Variants in COL4A1 observed in about 807,000 individuals in gnomAD.
COL4A1 encodes the protein collagen type IV alpha 1 chain.
A neutral mutation model predicts 216.6 loss-of-function variants in COL4A1; 40 were observed. The ratio of observed to expected loss-of-function variants is 0.18; its 90% CI spans 0.14 to 0.24. COL4A1 has a LOEUF of 0.24. COL4A1 is among the 10% of genes least tolerant of loss of function. The probability of loss-of-function intolerance (pLI) is 1.00; values close to 1 mark genes in which losing one functional copy is unlikely to be tolerated. For missense variants in COL4A1, 1,628 were observed against 2,196.8 expected (o/e 0.74, Z 5.18); for synonymous variants, 839 against 810.7 (o/e 1.03, Z -0.59).
chr13:110,205,485 A>C lies in COL4A1; in HGVS notation c.903+9T>G. 1 of 1,613,758 alleles carries C rather than the reference A, an allele frequency of 6.2e-7. No homozygotes were observed. Among genetic ancestry groups the C allele is most frequent in the Non-Finnish European group, 8.5e-7 (1 of 1,179,984 alleles). On this transcript the variant is annotated intron_variant, in intron 16 of 51. Transcript: ENST00000375820. The stretch of plus-strand genomic sequence containing the variant: ...AGCCTGCTTGTAAAAACCACAGAGA[A>C]ACACTTACGGGACTCCCTTTTTCCC...
At chr13:110,280,202 T>C (rs1883577696) in intron 1 of COL4A1, among the ~76,000 whole-genome samples, 1 of 152,250 alleles carries the variant, frequency 6.6e-6, no homozygotes, top group African/African-American at 2.4e-5. Context: ...GGTGTTAACT[T>C]GTTCAATGAG....
Position 110,213,615 on chromosome 13 carries a change from C to T in COL4A1, c.279+167G>A, listed in dbSNP as rs3737327. Among the ~76,000 whole-genome samples, 46,939 of 151,792 alleles carry T rather than the reference C, an allele frequency of 0.31. 7,845 individuals are homozygous for T. Among genetic ancestry groups the T allele is most frequent in the African/African-American group, 0.45 (18,611 of 41,346 alleles). On this transcript the variant is annotated intron_variant, in intron 4 of 51. Coordinates refer to ENST00000375820, the MANE Select transcript of COL4A1 (RefSeq NM_001845.6). The stretch of plus-strand genomic sequence containing the variant: ...GGAAGGACTGGGGCTCAGGGAGTCA[C>T]GGGCTGCTCCTCACTGCCTGCCTCG...
At chr13:110,250,335 G>A (rs1213480001) in intron 1 of COL4A1, among the ~76,000 whole-genome samples, 1 of 152,132 alleles carries the variant, frequency 6.6e-6, no homozygotes, top group African/African-American at 2.4e-5. Flanking sequence ...CTCAATTAGA[G>A]ACTGAGTTTG....
intron 2 of COL4A1, among the ~76,000 whole-genome samples, chr13:110,228,766 A>G (rs1325869860): frequency 6.6e-6 from 1 of 152,258 alleles, no homozygotes; most frequent in Non-Finnish European, 1.5e-5. Context: ...AAATCAGAAC[A>G]GCTAGTTAAG....
chr13:110,293,442 A>G (rs913464570), intron 1 of COL4A1, among the ~76,000 whole-genome samples: 1 of 152,208 alleles, frequency 6.6e-6, no homozygotes, highest in Non-Finnish European at 1.5e-5. Context: ...CAGTTTCTCA[A>G]ATGGCACAAG....
At chr13:110,185,134 CTTTATTTA>C (rs772293080) in intron 26 of COL4A1, among the ~76,000 whole-genome samples, 6 of 152,122 alleles carry the variant, frequency 3.9e-5, no homozygotes, top group South Asian at 2.1e-4. Context: ...TATCCAGCTA[CTTTATTTA>C]TTTATTTATT....
chr13:110,159,736 G>A (rs758346054), intron 49 of COL4A1, among the ~76,000 whole-genome samples: 1 of 152,198 alleles, frequency 6.6e-6, no homozygotes, highest in Non-Finnish European at 1.5e-5. Flanking sequence ...GAAACAAAAC[G>A]TGGCACCTAT....
intron 2 of COL4A1, among the ~76,000 whole-genome samples, chr13:110,215,267 T>C (rs1417391172): frequency 9.7e-6 from 1 of 102,784 alleles, no homozygotes. Flanking sequence ...TTCAAGAGTA[T>C]TTTTTGGGCT....
chr13:110,200,628 C>T (rs1357746800), intron 20 of COL4A1, among the ~76,000 whole-genome samples: 1 of 152,120 alleles, frequency 6.6e-6, no homozygotes. Flanking sequence ...CCAGGAGAGA[C>T]ATAAGGGTGT....
At chr13:110,301,975 T>C (rs1050008764) in intron 1 of COL4A1, among the ~76,000 whole-genome samples, 1 of 152,076 alleles carries the variant, frequency 6.6e-6, no homozygotes, top group African/African-American at 2.4e-5. Context: ...GCAATTAGCC[T>C]CTCACAGCCT....
chr13:110,149,655 A>G lies in COL4A1; in HGVS notation c.*708T>C, dbSNP rs1206639310. 6.6e-6 allele frequency: 1 copy of G among 152,554 alleles called. No homozygotes were observed. The highest frequency in any genetic ancestry group is 1.5e-5 in the Non-Finnish European group (1 of 68,010). The allele number at this position is 152,554 out of a possible 1,614,324, so 9.5% of individuals were successfully genotyped here. A position where few individuals can be genotyped will look rare whatever the true frequency, so the allele number is the denominator to read the frequency against. On this transcript the variant is annotated 3_prime_UTR_variant, in exon 52 of 52. Transcript: ENST00000375820. ...AAGAAAACTATGTAAGCTTTATTTT[A>G]ACAGTGGAAGTTAAACTAAACCTTG... is the stretch of plus-strand genomic sequence containing the variant.
chr13:110,262,437 A>G (rs1276788578), intron 1 of COL4A1, among the ~76,000 whole-genome samples: 1 of 152,272 alleles, frequency 6.6e-6, no homozygotes, highest in Non-Finnish European at 1.5e-5. Flanking sequence ...ACACATATTT[A>G]GAGCAAATCA....
intron 48 of COL4A1, among the ~76,000 whole-genome samples, chr13:110,161,611 A>G (rs1024432280): frequency 2.0e-5 from 3 of 152,256 alleles, no homozygotes; most frequent in African/African-American, 7.2e-5. Context: ...GGTTCGTTAT[A>G]CGATGGATAG....
intron 1 of COL4A1, among the ~76,000 whole-genome samples, chr13:110,256,467 G>A (rs571601886): frequency 2.0e-5 from 3 of 152,322 alleles, no homozygotes; most frequent in East Asian, 1.9e-4. Flanking sequence ...GTGCATCCTC[G>A]AGGGAGCAGG....
Position 110,288,103 on chromosome 13 carries a change from A to G in COL4A1, c.84+18841T>C, listed in dbSNP as rs534184039. On this transcript the variant is annotated intron_variant, in intron 1 of 51. Transcript: ENST00000375820. ...AACCCCAACTCTACTAAAAATACAA[A>G]AAAAAAAAAAATTACCCAGGAGTGG... Among the ~76,000 whole-genome samples the G allele has an allele frequency of 2.0e-5, 3 of 151,282 alleles. No individual in the cohort carries two copies. In the South Asian group the frequency reaches 6.3e-4, roughly 32 times the overall value.
At chr13:110,269,008 C>A (rs1411374534) in intron 1 of COL4A1, among the ~76,000 whole-genome samples, 1 of 149,870 alleles carries the variant, frequency 6.7e-6, no homozygotes, top group African/African-American at 2.5e-5. Flanking sequence ...CACCTCTTGG[C>A]GCACGGAGAA....
intron 25 of COL4A1, 146 bp downstream of exon 25, chr13:110,186,992 C>T: frequency 1.8e-6 from 2 of 1,099,522 alleles, no homozygotes; most frequent in South Asian, 1.4e-5. Flanking sequence ...TTAAGTTGTT[C>T]CATGAACCAT....
intron 24 of COL4A1, 110 bp downstream of exon 24, chr13:110,192,104 G>T: frequency 9.0e-7 from 1 of 1,115,870 alleles, no homozygotes; most frequent in Non-Finnish European, 1.4e-6. Context: ...ACACTTACCA[G>T]CTCCCACACA....
chr13:110,273,982 T>C (rs868701821), intron 1 of COL4A1, among the ~76,000 whole-genome samples: 2 of 152,296 alleles, frequency 1.3e-5, no homozygotes, highest in East Asian at 1.9e-4. Flanking sequence ...ACCAAAAAGA[T>C]CTAGGGCCTC....
Sources: gnomAD v4.1 joint callset for allele counts (sites outside exome capture counted in the v4.1 genomes callset) on GRCh38, gnomAD v4.1.1 for gene constraint, MANE v1.5 for transcripts, NCBI Gene and HGNC (gene_info 2026-07-23, HGNC 2026-07-21) for gene names.